Variants in SARAF observed in about 807,000 individuals in gnomAD.
SARAF encodes store-operated calcium entry associated regulatory factor.
SARAF carries 23 observed loss-of-function variants against 39.7 expected under a neutral mutation model. That is an observed-to-expected ratio of 0.58 (90% CI 0.42 to 0.82). SARAF has a LOEUF of 0.82. SARAF is among the 40% of genes least tolerant of loss of function. The pLI, the probability that SARAF is intolerant of heterozygous loss-of-function variation, is 0.00. For missense variants in SARAF, 384 were observed against 418.5 expected, an observed-to-expected ratio of 0.92 and a Z score of 0.72; for synonymous variants, 175 against 168.5, an observed-to-expected ratio of 1.04 and a Z score of -0.30.
At chr8:30,082,804 G>A in intron 1 of SARAF, 43 bp downstream of exon 1, 2 of 1,413,854 alleles carry the variant, frequency 1.4e-6, no homozygotes, top group Non-Finnish European at 1.9e-6. Flanking sequence ...GACGGCGGCG[G>A]AAAAGGGCGA....
intron 1 of SARAF, among the ~76,000 whole-genome samples, chr8:30,074,930 A>C (rs1008263674): frequency 6.6e-5 from 10 of 152,238 alleles, no homozygotes; most frequent in African/African-American, 2.4e-4. Flanking sequence ...AAACTAAAAA[A>C]TTTAAAACAT....
In SARAF at chr8:30,064,557, A is replaced by ATTTTTTTT. The variant is rs1458215350; in HGVS notation, c.995-645_995-644insAAAAAAAA. On this transcript the variant is annotated intron_variant, in intron 5 of 5. Coordinates refer to ENST00000256255, the MANE Select transcript of SARAF (RefSeq NM_016127.6). ...GCCATATATATATATATATATATAT[A>ATTTTTTTT]TATATTTTTTTTTTTTTTTTTTGAG... is the stretch of plus-strand genomic sequence containing the variant. Among the ~76,000 whole-genome samples, 439 of 50,522 alleles carry ATTTTTTTT rather than the reference A, an allele frequency of 8.7e-3. 14 individuals are homozygous for ATTTTTTTT. The highest frequency in any genetic ancestry group is 0.017 in the Middle Eastern group (1 of 58). The allele number at this position is 50,522 out of a possible 152,430, so 33.1% of individuals were successfully genotyped here.
rs1287680076 is a variant in SARAF at position 30,074,025 on chromosome 8, A to C, written c.134T>G (p.Leu45Arg). 6.2e-7 allele frequency: 1 copy of C among 1,613,968 alleles called. No individual in the cohort carries two copies. The highest frequency in any genetic ancestry group is 8.5e-7 in the Non-Finnish European group (1 of 1,179,872). Residue 45 changes from leucine to arginine, a missense_variant, in exon 2 of 6, where the codon CTT becomes CGT. Transcript: ENST00000256255. ...GGTATAGCGGTCATAGTGGAGGGTA[A>C]GAGCTTTTACATCCCGCAGCAACAT... ...DRMLLRDVKA[L>R]TLHYDRYTTS...
At chr8:30,069,410 G>A (rs1801776512) in intron 3 of SARAF, among the ~76,000 whole-genome samples, 1 of 152,044 alleles carries the variant, frequency 6.6e-6, no homozygotes. Flanking sequence ...AAAGTGCTGG[G>A]ATTACAGGCG....
At chr8:30,069,300 CG>C (rs1563352659) in intron 3 of SARAF, among the ~76,000 whole-genome samples, 1 of 151,878 alleles carries the variant, frequency 6.6e-6, no homozygotes, top group Non-Finnish European at 1.5e-5. Flanking sequence ...CCACAACACC[CG>C]GCTAATTTTT....
chr8:30,073,623 A>C (rs1251583598), intron 2 of SARAF: 6 of 378,912 alleles, frequency 1.6e-5, no homozygotes, highest in Non-Finnish European at 2.9e-5. Flanking sequence ...GTATATAAAA[A>C]GTTGTGAAAA....
chr8:30,064,941 C>T (rs1801650084), intron 5 of SARAF, among the ~76,000 whole-genome samples: 1 of 151,986 alleles, frequency 6.6e-6, no homozygotes, highest in Non-Finnish European at 1.5e-5. Flanking sequence ...TACTCTAACA[C>T]CATAAATTAG....
At chr8:30,071,707 A>G (rs1398618306) in intron 2 of SARAF, among the ~76,000 whole-genome samples, 3 of 152,220 alleles carry the variant, frequency 2.0e-5, no homozygotes, top group Admixed American at 6.5e-5. Context: ...TAATAATACA[A>G]TATGTGGTCT....
intron 2 of SARAF, among the ~76,000 whole-genome samples, chr8:30,071,592 G>T (rs925257044): frequency 6.6e-6 from 1 of 152,106 alleles, no homozygotes; most frequent in Non-Finnish European, 1.5e-5. Context: ...TCACCCCAAA[G>T]AAATATTGTG....
intron 1 of SARAF, among the ~76,000 whole-genome samples, chr8:30,079,363 G>T (rs1049850333): frequency 2.6e-5 from 4 of 152,034 alleles, no homozygotes; most frequent in African/African-American, 9.7e-5. Context: ...GCAGCCACAA[G>T]AAAATCCACC....
chr8:30,081,590 T>C (rs1044130425), intron 1 of SARAF, among the ~76,000 whole-genome samples: 1 of 152,258 alleles, frequency 6.6e-6, no homozygotes, highest in Non-Finnish European at 1.5e-5. Flanking sequence ...CTCTCTCATT[T>C]CAGCATGTAA....
intron 1 of SARAF, among the ~76,000 whole-genome samples, chr8:30,074,288 C>A (rs1409322320): frequency 6.6e-6 from 1 of 152,224 alleles, no homozygotes; most frequent in Non-Finnish European, 1.5e-5. Context: ...TTCTACAGCA[C>A]AAGTTGTACA....
In SARAF at chr8:30,066,812, A is replaced by G. The variant is rs1801702200; in HGVS notation, c.807T>C (p.Thr269=). The change falls in exon 4 of 6, where the codon ACT becomes ACC. Residue 269 remains threonine, a synonymous_variant. Coordinates refer to ENST00000256255, the MANE Select transcript of SARAF (RefSeq NM_016127.6). ...CAAACAAATATCCTAGTATTCCACC[A>G]GTTCCCAAGCCTGTCCAGAACCCTG... The part of the protein sequence containing the change: ...SGPGFWTGLG[T]GGILGYLFGS... 7 of 1,614,078 alleles carry G rather than the reference A, an allele frequency of 4.3e-6. No homozygotes were observed. In the South Asian group the frequency reaches 6.6e-5, roughly 15 times the overall value.
At chr8:30,079,833 G>A (rs1193109574) in intron 1 of SARAF, among the ~76,000 whole-genome samples, 1 of 152,050 alleles carries the variant, frequency 6.6e-6, no homozygotes, top group Non-Finnish European at 1.5e-5. Flanking sequence ...TAATCCTATA[G>A]CATCTTTCTT....
At chr8:30,075,424 C>T (rs970474869) in intron 1 of SARAF, among the ~76,000 whole-genome samples, 2 of 152,146 alleles carry the variant, frequency 1.3e-5, no homozygotes, top group South Asian at 4.1e-4. Context: ...ATCCACTTCA[C>T]CCTCAAACAG....
In SARAF at chr8:30,082,911, G is replaced by A. The variant is rs1224425507; in HGVS notation, c.39C>T (p.Cys13=). ...GAAACAAATGCAAGCCGAGGAGCAA[G>A]CAGTACCCGGCCGCTCCCGGCCCGC... is the stretch of plus-strand genomic sequence containing the variant. ...AACGPGAAGY[C]LLLGLHLFLL... Residue 13 remains cysteine, a synonymous_variant, in exon 1 of 6, where the codon TGC becomes TGT. Coordinates refer to ENST00000256255, the MANE Select transcript of SARAF (RefSeq NM_016127.6). The A allele has an allele frequency of 1.3e-6, 2 of 1,556,512 alleles. No homozygotes were observed. Among genetic ancestry groups the A allele is most frequent in the Non-Finnish European group, 1.7e-6 (2 of 1,152,058 alleles).
chr8:30,080,722 T>A (rs1802078067), intron 1 of SARAF, among the ~76,000 whole-genome samples: 1 of 152,174 alleles, frequency 6.6e-6, no homozygotes, highest in Non-Finnish European at 1.5e-5. Context: ...TCCAGACAAA[T>A]TACTGCTCAA....
At chr8:30,083,065 GC>G (rs1802150040), upstream of SARAF, 4 of 692,994 alleles carry the variant, frequency 5.8e-6, no homozygotes, top group Non-Finnish European at 6.8e-6. Flanking sequence ...CGAAGGAACG[GC>G]CCGACTGCAG....
In SARAF at chr8:30,064,556, TATA is replaced by T. The variant is rs1376049100; in HGVS notation, c.995-646_995-644del. 6.3e-3 allele frequency among the ~76,000 whole-genome samples: 81 copies of T among 12,866 alleles called. 1 individual carries two copies. Among genetic ancestry groups the T allele is most frequent in the African/African-American group, 0.014 (59 of 4,136 alleles). 8.4% of individuals were successfully genotyped at this position (12,866 alleles called of 152,430 possible). On this transcript the variant is annotated intron_variant, in intron 5 of 5. Coordinates refer to ENST00000256255, the MANE Select transcript of SARAF (RefSeq NM_016127.6). ...AGCCATATATATATATATATATATA[TATA>T]TATTTTTTTTTTTTTTTTTTGAGAC...
Sources: gnomAD v4.1 joint callset for allele counts (sites outside exome capture counted in the v4.1 genomes callset) on GRCh38, gnomAD v4.1.1 for gene constraint, MANE v1.5 for transcripts, NCBI Gene and HGNC (gene_info 2026-07-23, HGNC 2026-07-21) for gene names.